DAAM2: variants seen among roughly 807,000 people sequenced by gnomAD.
DAAM2 encodes dishevelled associated activator of morphogenesis 2.
DAAM2 carries 39 observed loss-of-function variants against 120.7 expected under a neutral mutation model. The ratio of observed to expected loss-of-function variants is 0.32; its 90% CI spans 0.25 to 0.42. The LOEUF (loss-of-function observed/expected upper bound fraction) is 0.42. Ranked by LOEUF, DAAM2 falls within the 10% of genes least tolerant of loss-of-function variation. The probability of loss-of-function intolerance (pLI) is 1.00; values close to 1 mark genes in which losing one functional copy is unlikely to be tolerated. For synonymous variants in DAAM2, 488 were observed against 524.9 expected (o/e 0.93, Z 0.96); for missense variants, 1,283 against 1,401.7 (o/e 0.92, Z 1.35).
rs775432314 is a variant in DAAM2 at position 39,867,821 on chromosome 6, C to T, written c.740C>T (p.Ala247Val). The change falls in exon 6 of 25, where the codon GCA becomes GTA. Residue 247 changes from alanine to valine, a missense_variant. Coordinates refer to ENST00000274867, the MANE Select transcript of DAAM2 (RefSeq NM_001201427.2). ...GCCATGCTGCACTACCAGGTGTATG[C>T]AGCAGAGCGAACCCGCTTCCAGGTG... ...LQAMLHYQVY[A>V]AERTRFQTLL... is the part of the protein sequence containing the mutation. 4 of 1,601,564 alleles carry T rather than the reference C, an allele frequency of 2.5e-6. No individual in the cohort carries two copies. The East Asian group carries it at 9.0e-5, about 36-fold the overall frequency.
intron 21 of DAAM2, 109 bp downstream of exon 21, chr6:39,897,391 C>T (rs143319058): frequency 2.8e-5 from 19 of 689,784 alleles, no homozygotes; most frequent in African/African-American, 8.9e-5. Context: ...TGTGAGACCT[C>T]GGTTCTTGTC....
At chr6:39,900,686 G>C (rs928658273) in intron 23 of DAAM2, among the ~76,000 whole-genome samples, 14 of 152,132 alleles carry the variant, frequency 9.2e-5, no homozygotes, top group Non-Finnish European at 2.9e-5. Flanking sequence ...TAGGAGGCCT[G>C]GGGTCTGAGA....
chr6:39,801,339 A>G lies in DAAM2; in HGVS notation c.-57+8874A>G, dbSNP rs112761340. Reference sequence around the variant, plus strand: ...GTGAATGTCTTGACTTTTATTGGCAAATTTGCTTTTGTTCCCCAACCCCAT... The same window carrying G: ...GTGAATGTCTTGACTTTTATTGGCAGATTTGCTTTTGTTCCCCAACCCCAT... On this transcript the variant is annotated intron_variant, in intron 1 of 24. Coordinates refer to ENST00000274867, the MANE Select transcript of DAAM2 (RefSeq NM_001201427.2). 1.5e-4 allele frequency among the ~76,000 whole-genome samples: 23 copies of G among 152,184 alleles called. 1 individual carries two copies. Among genetic ancestry groups the G allele is most frequent in the African/African-American group, 5.3e-4 (22 of 41,516 alleles).
In DAAM2 at chr6:39,904,430, G is replaced by C. The variant is rs913539192; in HGVS notation, c.*2393G>C. On this transcript the variant is annotated 3_prime_UTR_variant, in exon 25 of 25. Coordinates refer to ENST00000274867, the MANE Select transcript of DAAM2 (RefSeq NM_001201427.2). ...GGGTGGCTGAGCTGGTCCTTAATAG[G>C]TTGTTTCTTGGTCTTGCTTTCTTCA... 5 of 454,848 alleles carry C rather than the reference G, an allele frequency of 1.1e-5. No homozygotes were observed. The highest frequency in any genetic ancestry group is 2.2e-5 in the Non-Finnish European group (5 of 226,972). The allele number at this position is 454,848 out of a possible 1,614,324, so 28.2% of individuals were successfully genotyped here. A position where few individuals can be genotyped will look rare whatever the true frequency, so the allele number is the denominator to read the frequency against.
intron 1 of DAAM2, among the ~76,000 whole-genome samples, chr6:39,828,257 A>T (rs993827232): frequency 6.6e-6 from 1 of 152,220 alleles, no homozygotes; most frequent in African/African-American, 2.4e-5. Flanking sequence ...GACTTTGGGA[A>T]GTGCAAGATC....
chr6:39,887,549 A>G lies in DAAM2; in HGVS notation c.2017A>G (p.Ile673Val). The G allele has an allele frequency of 1.2e-6, 2 of 1,613,906 alleles. No homozygotes were observed. Among genetic ancestry groups the G allele is most frequent in the South Asian group, 2.2e-5 (2 of 91,042 alleles). Residue 673 changes from isoleucine to valine, a missense_variant, in exon 16 of 25, where the codon ATT becomes GTT. Ile to Val is a conservative substitution (Grantham distance 29). Around this residue, in one of 3 missense-constraint regions of DAAM2, gnomAD observed 748 missense variants for 768.6 expected, o/e 0.97. Transcript: ENST00000274867. ...ASRKVKELSV[I>V]DGRRAQNCII... ...CCGCAAGGTCAAAGAGCTGTCGGTC[A>G]TTGATGGCCGGAGGGCCCAAAACTG...
rs1582778309 is a variant in DAAM2, at chr6:39,899,993, A to T, written c.2680-84A>T. The T allele has an allele frequency of 4.2e-6, 6 of 1,441,302 alleles. No homozygotes were observed. The Admixed American group carries it at 8.5e-5, about 20-fold the overall frequency. 89.3% of individuals were successfully genotyped at this position (1,441,302 alleles called of 1,614,324 possible). On this transcript the variant is annotated intron_variant, in intron 22 of 24. Coordinates refer to ENST00000274867, the MANE Select transcript of DAAM2 (RefSeq NM_001201427.2). ...CTTCCAAAGGGCTCAATGTCCTGTG[A>T]GTGACGAGGGGAGATGTGGTGACCC...
At chr6:39,864,369 T>C in intron 3 of DAAM2, 64 bp from the exon 4 acceptor site, 3 of 1,294,490 alleles carry the variant, frequency 2.3e-6, no homozygotes, top group Admixed American at 1.9e-5. Context: ...GGAATGAAGC[T>C]CAGGATCTCA....
chr6:39,880,295 TC>T lies in DAAM2; in HGVS notation c.1845+819del, dbSNP rs144196273. 3.7e-3 allele frequency among the ~76,000 whole-genome samples: 568 copies of T among 152,320 alleles called. 5 individuals carry two copies. Among genetic ancestry groups the T allele is most frequent in the African/African-American group, 0.013 (544 of 41,562 alleles). ...TATCCCATGGGCCTGTTGGACTGGCTCTTGGGGAACTCATAACTGTACCATG... is the reference window on the plus strand; with the variant it reads ...TATCCCATGGGCCTGTTGGACTGGCTTTGGGGAACTCATAACTGTACCATG... On this transcript the variant is annotated intron_variant, in intron 14 of 24. Coordinates refer to ENST00000274867, the MANE Select transcript of DAAM2 (RefSeq NM_001201427.2).
At chr6:39,841,241 G>T (rs1323942110) in intron 1 of DAAM2, among the ~76,000 whole-genome samples, 1 of 106,572 alleles carries the variant, frequency 9.4e-6, no homozygotes, top group Non-Finnish European at 1.8e-5. Context: ...GTTCCAGGGG[G>T]AGGGGCGCTG....
intron 1 of DAAM2, among the ~76,000 whole-genome samples, chr6:39,848,233 C>A (rs1306131329): frequency 6.6e-6 from 1 of 152,156 alleles, no homozygotes; most frequent in Non-Finnish European, 1.5e-5. Context: ...GGAGCCGCAC[C>A]TCCTTGCCTC....
intron 1 of DAAM2, among the ~76,000 whole-genome samples, chr6:39,824,502 A>T (rs886409122): frequency 3.9e-5 from 6 of 152,100 alleles, no homozygotes; most frequent in Admixed American, 6.5e-5. Context: ...TCAAAGCAAG[A>T]TTTTTTTCTA....
In DAAM2 at chr6:39,870,323, C is replaced by T; in HGVS notation, c.874-17C>T. On this transcript the variant is annotated splice_polypyrimidine_tract_variant and intron_variant, in intron 7 of 24. Transcript: ENST00000274867. ...GAGATCTGCCAATGAGTCTGGCCCT[C>T]CCTTGGTGACCCCCAGGATAATCTG... 3 of 1,506,294 alleles carry T rather than the reference C, an allele frequency of 2.0e-6. No homozygotes were observed. The highest frequency in any genetic ancestry group is 2.7e-6 in the Non-Finnish European group (3 of 1,102,816). The allele number at this position is 1,506,294 out of a possible 1,614,324, so 93.3% of individuals were successfully genotyped here.
At chr6:39,825,087 A>G (rs72857104) in intron 1 of DAAM2, among the ~76,000 whole-genome samples, 22,536 of 152,118 alleles carry the variant, frequency 0.15, 2,171 homozygotes, top group South Asian at 0.29. Context: ...CTGGATGTGA[A>G]TTTAAGAAGG....
chr6:39,893,991 T>G (rs1214332055), intron 19 of DAAM2, among the ~76,000 whole-genome samples: 1 of 152,212 alleles, frequency 6.6e-6, no homozygotes, highest in Non-Finnish European at 1.5e-5. Flanking sequence ...TTACCAGTTC[T>G]TCTATGAATA....
intron 22 of DAAM2, among the ~76,000 whole-genome samples, chr6:39,899,277 T>G (rs1423965136): frequency 6.6e-6 from 1 of 152,230 alleles, no homozygotes; most frequent in African/African-American, 2.4e-5. Flanking sequence ...GCACGCAATG[T>G]GGCAGTGGGA....
chr6:39,797,618 C>T (rs1761738311), intron 1 of DAAM2, among the ~76,000 whole-genome samples: 1 of 152,208 alleles, frequency 6.6e-6, no homozygotes, highest in African/African-American at 2.4e-5. Context: ...GGAATGGAAC[C>T]TAGGCGTCCA....
chr6:39,898,182 C>A (rs1007826108), intron 21 of DAAM2, among the ~76,000 whole-genome samples: 4 of 152,210 alleles, frequency 2.6e-5, no homozygotes, highest in African/African-American at 9.6e-5. Context: ...TTCTGGGAAA[C>A]AGTGTGGAAT....
rs1438325071 is a variant in DAAM2, at chr6:39,883,701, C to T, written c.1846-261C>T. 10 of 417,186 alleles carry T rather than the reference C, an allele frequency of 2.4e-5. No individual in the cohort carries two copies. The East Asian group carries it at 3.9e-4, about 16-fold the overall frequency. 25.8% of individuals were successfully genotyped at this position (417,186 alleles called of 1,614,324 possible). A position where few individuals can be genotyped will look rare whatever the true frequency, so the allele number is the denominator to read the frequency against. On this transcript the variant is annotated intron_variant, in intron 14 of 24. Transcript: ENST00000274867. The stretch of plus-strand genomic sequence containing the variant: ...CTACTGCCTACCCATCCCCCCAGCA[C>T]CCCCCATGATTTCTAGAACATGTTT...
Sources: gnomAD v4.1 joint callset for allele counts (sites outside exome capture counted in the v4.1 genomes callset) on GRCh38, gnomAD v4.1.1 for gene constraint, gnomAD v4.1.1 regional missense constraint, MANE v1.5 for transcripts, NCBI Gene and HGNC (gene_info 2026-07-23, HGNC 2026-07-21) for gene names.